DGCR2: variants seen among roughly 807,000 people sequenced by gnomAD.
DGCR2 encodes integral membrane protein DGCR2/IDD.
A neutral mutation model predicts 51.6 loss-of-function variants in DGCR2; 24 were observed. The observed-to-expected ratio is 0.47, with a 90% CI of 0.34 to 0.65. The LOEUF is 0.65. Ranked by LOEUF, DGCR2 falls within the 30% of genes least tolerant of loss-of-function variation. The pLI, the probability that DGCR2 is intolerant of heterozygous loss-of-function variation, is 0.01. For synonymous variants in DGCR2, 340 were observed against 315.4 expected, an observed-to-expected ratio of 1.08 and a Z score of -0.82; for missense variants, 765 against 772.1, an observed-to-expected ratio of 0.99 and a Z score of 0.11.
chr22:19,070,033 G>A (rs972812994), intron 2 of DGCR2, among the ~76,000 whole-genome samples: 6 of 152,128 alleles, frequency 3.9e-5, no homozygotes, highest in African/African-American at 1.4e-4. Context: ...CCTCAGTGTG[G>A]GACAGTAACT....
In DGCR2 at chr22:19,036,473, A is replaced by C. The variant is rs993967006; in HGVS notation, c.*2392T>G. Reference sequence around the variant, plus strand: ...GTCAGAGGGCACCTGGGCTCTGAGAAACCGTGGCAAGCTGGTCCTAGAGGA... The same window carrying C: ...GTCAGAGGGCACCTGGGCTCTGAGACACCGTGGCAAGCTGGTCCTAGAGGA... On this transcript the variant is annotated 3_prime_UTR_variant, in exon 10 of 10. Coordinates refer to ENST00000263196, the MANE Select transcript of DGCR2 (RefSeq NM_005137.3). 3 of 152,540 alleles carry C rather than the reference A, an allele frequency of 2.0e-5. No individual in the cohort carries two copies. Among genetic ancestry groups the C allele is most frequent in the Admixed American group, 1.3e-4 (2 of 15,282 alleles). The allele number at this position is 152,540 out of a possible 1,614,324, so 9.4% of individuals were successfully genotyped here.
intron 1 of DGCR2, among the ~76,000 whole-genome samples, chr22:19,106,607 AATG>A (rs773889625): frequency 2.8e-4 from 43 of 152,316 alleles, no homozygotes; most frequent in Admixed American, 5.2e-4. Context: ...GCTCATGGAA[AATG>A]ATGAGATTGG....
rs1398567944 is a variant in DGCR2, at chr22:19,057,412, G to C, written c.626-250C>G. 1.3e-5 allele frequency among the ~76,000 whole-genome samples: 2 copies of C among 152,246 alleles called. No individual in the cohort carries two copies. The highest frequency in any genetic ancestry group is 2.9e-5 in the Non-Finnish European group (2 of 68,038). ...CACAGGCCACAAACCCTGGGTAGCA[G>C]TAAGTGCCAGCCTGAGCACCAGAAG... On this transcript the variant is annotated intron_variant, in intron 5 of 9. Transcript: ENST00000263196. This position sits in a 1 kb window ranked among gnomAD's most constrained non-coding sequence, Gnocchi z 5.1.
intron 2 of DGCR2, among the ~76,000 whole-genome samples, chr22:19,079,631 G>A (rs1211494234): frequency 1.3e-5 from 2 of 152,204 alleles, no homozygotes; most frequent in African/African-American, 2.4e-5. Context: ...CCCTTTATAT[G>A]TAGCATGTAA....
intron 2 of DGCR2, 133 bp downstream of exon 2, chr22:19,089,234 AG>A: frequency 1.0e-6 from 1 of 1,000,916 alleles, no homozygotes; most frequent in African/African-American, 1.7e-5. Flanking sequence ...ACAGAGAGAG[AG>A]GAAGGGGTCG....
At chr22:19,077,159 G>A (rs2082887230) in intron 2 of DGCR2, among the ~76,000 whole-genome samples, 1 of 152,110 alleles carries the variant, frequency 6.6e-6, no homozygotes, top group South Asian at 2.1e-4. Flanking sequence ...ACTCTGTTGA[G>A]TGCTTCTTTT....
Position 19,038,760 on chromosome 22 carries a change from G to T in DGCR2, c.*105C>A. 6.9e-7 allele frequency: 1 copy of T among 1,456,520 alleles called. No homozygotes were observed. Among genetic ancestry groups the T allele is most frequent in the Non-Finnish European group, 9.3e-7 (1 of 1,071,634 alleles). The allele number at this position is 1,456,520 out of a possible 1,614,324, so 90.2% of individuals were successfully genotyped here. On this transcript the variant is annotated 3_prime_UTR_variant, in exon 10 of 10. Coordinates refer to ENST00000263196, the MANE Select transcript of DGCR2 (RefSeq NM_005137.3). The stretch of plus-strand genomic sequence containing the variant: ...GAGCCCGCCAGTGACGTGCGGCAGT[G>T]CGTGGCGTCCAGGCTGGGACAGGGG...
rs544580333 is a variant in DGCR2, at chr22:19,121,900, G to C, written c.79+228C>G. On this transcript the variant is annotated intron_variant, in intron 1 of 9. Coordinates refer to ENST00000263196, the MANE Select transcript of DGCR2 (RefSeq NM_005137.3). ...CCGCCGCTCCCGGGAAGGGCCCAGA[G>C]GCAACATCCTGGACAGCAGAGCTGC... 13 of 267,878 alleles carry C rather than the reference G, an allele frequency of 4.9e-5. No individual in the cohort carries two copies. In the East Asian group the frequency reaches 9.3e-4, roughly 19 times the overall value. The allele number at this position is 267,878 out of a possible 1,614,324, so 16.6% of individuals were successfully genotyped here.
intron 2 of DGCR2, among the ~76,000 whole-genome samples, chr22:19,082,855 G>A (rs1049031786): frequency 7.9e-5 from 12 of 152,174 alleles, no homozygotes; most frequent in Admixed American, 6.5e-4. Flanking sequence ...CTGGGAAGCC[G>A]AAGCAGGCAG....
chr22:19,039,763 G>C (rs1046287857), intron 9 of DGCR2, among the ~76,000 whole-genome samples: 1 of 152,060 alleles, frequency 6.6e-6, no homozygotes, highest in African/African-American at 2.4e-5. Flanking sequence ...ATTGCACACT[G>C]GTGTGCAGTG....
intron 2 of DGCR2, among the ~76,000 whole-genome samples, chr22:19,088,302 C>T (rs893825810): frequency 1.3e-5 from 2 of 152,104 alleles, no homozygotes; most frequent in African/African-American, 4.8e-5. Context: ...AAGAGAGGGA[C>T]GAATGGGGGA....
intron 5 of DGCR2, chr22:19,061,188 C>T (rs2082659039): frequency 5.3e-6 from 1 of 189,428 alleles, no homozygotes; most frequent in Non-Finnish European, 1.1e-5. Flanking sequence ...CTCTGCTTTG[C>T]ACCATGTCCC....
At position 19,039,056 on chromosome 22, in the gene DGCR2, C is replaced by G. The variant is rs2082403161; in HGVS notation, c.1462G>C (p.Ala488Pro). ...GGCTGCTCCAGGCGCCGGAGTAATG[C>G]ACCTTCACTCCCACCATCCCCAGGG... is the stretch of plus-strand genomic sequence containing the variant. ...PAPGDGGSEG[A>P]LLRRLEQPLP... Residue 488 changes from alanine (A) to proline (P), a missense_variant, in exon 10 of 10, where the codon GCA (alanine) becomes CCA (proline). Around this residue, in one of 3 missense-constraint regions of DGCR2, gnomAD observed 205 missense variants for 181.4 expected, o/e 1.13. Coordinates refer to ENST00000263196, the MANE Select transcript of DGCR2 (RefSeq NM_005137.3). The G allele has an allele frequency of 6.2e-7, 1 of 1,613,092 alleles. No homozygotes were observed. The highest frequency in any genetic ancestry group is 1.7e-5 in the Admixed American group (1 of 60,002).
In DGCR2 at chr22:19,038,658, GA is replaced by G; in HGVS notation, c.*206del. ...GTGATCCAAAGCTATGCATGTTTCT[GA>G]AGCCCTCAAGGAAGCTCGGTGCAGG... On this transcript the variant is annotated 3_prime_UTR_variant, in exon 10 of 10. Coordinates refer to ENST00000263196, the MANE Select transcript of DGCR2 (RefSeq NM_005137.3). 1 of 624,748 alleles carries G rather than the reference GA, an allele frequency of 1.6e-6. No homozygotes were observed. The highest frequency in any genetic ancestry group is 2.8e-6 in the Non-Finnish European group (1 of 362,710). The allele number at this position is 624,748 out of a possible 1,614,324, so 38.7% of individuals were successfully genotyped here. A position where few individuals can be genotyped will look rare whatever the true frequency, so the allele number is the denominator to read the frequency against.
intron 7 of DGCR2, among the ~76,000 whole-genome samples, chr22:19,043,208 G>A (rs1339877730): frequency 1.3e-5 from 2 of 152,210 alleles, no homozygotes; most frequent in Non-Finnish European, 2.9e-5. Flanking sequence ...CGCTTTTCGT[G>A]ACCACCACTT....
intron 6 of DGCR2, among the ~76,000 whole-genome samples, chr22:19,051,581 C>G (rs554673407): frequency 2.8e-4 from 42 of 152,232 alleles, no homozygotes; most frequent in African/African-American, 9.6e-4. Context: ...AAAAACTTAG[C>G]CAGGCATGAC....
intron 1 of DGCR2, 30 bp downstream of exon 1, chr22:19,122,098 C>G (rs2083440585): frequency 1.4e-6 from 2 of 1,469,374 alleles, no homozygotes; most frequent in South Asian, 2.6e-5. Context: ...CGCCGCCCAG[C>G]CCCCACACCG....
intron 1 of DGCR2, among the ~76,000 whole-genome samples, chr22:19,094,651 A>G (rs962489333): frequency 6.6e-6 from 1 of 152,254 alleles, no homozygotes; most frequent in African/African-American, 2.4e-5. Context: ...TAGGTATTTA[A>G]CCAAGAGAAA....
At chr22:19,050,195 G>C (rs1569041909) in intron 6 of DGCR2, among the ~76,000 whole-genome samples, 2 of 152,324 alleles carry the variant, frequency 1.3e-5, no homozygotes, top group South Asian at 2.1e-4. Flanking sequence ...TGAAAATGCT[G>C]AAAGTGAAAG....
Sources: gnomAD v4.1 joint callset for allele counts (sites outside exome capture counted in the v4.1 genomes callset) on GRCh38, gnomAD v4.1.1 for gene constraint, gnomAD v4.1.1 regional missense constraint, Gnocchi (gnomAD v3.1) non-coding constraint, MANE v1.5 for transcripts, NCBI Gene and HGNC (gene_info 2026-07-23, HGNC 2026-07-21) for gene names.